Variants in SYT2 observed in about 807,000 individuals in gnomAD.
SYT2 encodes the protein synaptotagmin-2.
A neutral mutation model predicts 39.9 loss-of-function variants in SYT2; 15 were observed. That is an observed-to-expected ratio of 0.38 (90% confidence interval 0.25 to 0.58). SYT2 has a LOEUF of 0.58. Among genes scored for constraint, SYT2 ranks in the 20% least tolerant of loss-of-function variants. SYT2 has a pLI of 0.70. For missense variants in SYT2, 389 were observed against 530.3 expected (o/e 0.73, Z 2.62); for synonymous variants, 181 against 204.5 (o/e 0.89, Z 0.98).
At chr1:202,609,017 A>T (rs1228724971) in intron 1 of SYT2, among the ~76,000 whole-genome samples, 11 of 127,486 alleles carry the variant, frequency 8.6e-5, no homozygotes, top group East Asian at 5.2e-4. Flanking sequence ...CCTAATGCTA[A>T]CCCTCCACCC....
chr1:202,593,287 T>G lies in SYT2; in HGVS notation c.*3470A>C, dbSNP rs887422086. The G allele has an allele frequency of 2.0e-5, 3 of 152,066 alleles. No homozygotes were observed. The highest frequency in any genetic ancestry group is 7.2e-5 in the African/African-American group (3 of 41,380). 9.4% of individuals were successfully genotyped at this position (152,066 alleles called of 1,614,324 possible). A position where few individuals can be genotyped will look rare whatever the true frequency, so the allele number is the denominator to read the frequency against. ...ATTAAGGGAACATGGAAGCTCTCAC[T>G]CCCCAAACCCAGGGAGGTTCCTCAA... On this transcript the variant is annotated 3_prime_UTR_variant, in exon 9 of 9. Coordinates refer to ENST00000367268, the MANE Select transcript of SYT2 (RefSeq NM_177402.5).
chr1:202,645,533 T>C (rs1347807701), intron 1 of SYT2, among the ~76,000 whole-genome samples: 5 of 152,206 alleles, frequency 3.3e-5, no homozygotes, highest in African/African-American at 1.2e-4. Flanking sequence ...TAGTGCTGCT[T>C]AGATGAAAAG....
chr1:202,696,185 G>A (rs142224150), intron 1 of SYT2, among the ~76,000 whole-genome samples: 168 of 152,354 alleles, frequency 1.1e-3, no homozygotes, highest in African/African-American at 4.0e-3. Flanking sequence ...TAGAGGCAGA[G>A]CCAGAAATTC....
intron 3 of SYT2, among the ~76,000 whole-genome samples, chr1:202,603,374 G>A (rs1332109609): frequency 1.3e-5 from 2 of 152,160 alleles, no homozygotes; most frequent in Non-Finnish European, 2.9e-5. Context: ...TCCTGCCTCT[G>A]AGACACACTG....
rs563399287 is a variant in SYT2 at position 202,683,029 on chromosome 1, T to C, written c.-18+27229A>G. On this transcript the variant is annotated intron_variant, in intron 1 of 8. Coordinates refer to ENST00000367268, the MANE Select transcript of SYT2 (RefSeq NM_177402.5). Reference sequence around the variant, plus strand: ...TTATTTTAGTCATCAGGGAAGTGCATGTTGAAATGGAAGAGAGATGCCATG... The same window carrying C: ...TTATTTTAGTCATCAGGGAAGTGCACGTTGAAATGGAAGAGAGATGCCATG... 7.2e-5 allele frequency among the ~76,000 whole-genome samples: 11 copies of C among 152,162 alleles called. 1 individual carries two copies. The South Asian group carries it at 1.9e-3, about 26-fold the overall frequency.
chr1:202,602,618 G>T, intron 4 of SYT2, 73 bp from the exon 5 acceptor site: 1 of 1,465,562 alleles, frequency 6.8e-7, no homozygotes, highest in Non-Finnish European at 9.2e-7. Flanking sequence ...CCCAGACCCA[G>T]CACCCACCAA....
At chr1:202,676,800 T>C (rs1653384331) in intron 1 of SYT2, among the ~76,000 whole-genome samples, 1 of 152,232 alleles carries the variant, frequency 6.6e-6, no homozygotes, top group South Asian at 2.1e-4. Context: ...ATATAGACTA[T>C]AAAATACTGT....
chr1:202,685,098 G>T (rs1347867277), intron 1 of SYT2, among the ~76,000 whole-genome samples: 2 of 152,180 alleles, frequency 1.3e-5, no homozygotes, highest in African/African-American at 2.4e-5. Context: ...AAGTCTGAGA[G>T]TTCAGCCCTG....
At chr1:202,650,173 A>G (rs1692164093) in intron 1 of SYT2, among the ~76,000 whole-genome samples, 1 of 152,176 alleles carries the variant, frequency 6.6e-6, no homozygotes, top group South Asian at 2.1e-4. Flanking sequence ...CCAAATAATC[A>G]ACTCCCCTGT....
At chr1:202,605,177 C>T (rs1033480763) in intron 2 of SYT2, 1 of 169,798 alleles carries the variant, frequency 5.9e-6, no homozygotes, top group Non-Finnish European at 1.3e-5. Context: ...GGCTGCTCCC[C>T]CTTAATCTGC....
At chr1:202,700,590 G>A in intron 1 of SYT2, among the ~76,000 whole-genome samples, 1 of 152,032 alleles carries the variant, frequency 6.6e-6, no homozygotes, top group Non-Finnish European at 1.5e-5. Context: ...TATTTAATAA[G>A]TAACTATATT....
At chr1:202,639,625 G>A (rs2149095819) in intron 1 of SYT2, 2 of 985,480 alleles carry the variant, frequency 2.0e-6, no homozygotes, top group South Asian at 4.7e-5. Context: ...CTTGAATGGA[G>A]GGATGCCATG....
At chr1:202,612,080 G>A (rs534822841) in intron 1 of SYT2, among the ~76,000 whole-genome samples, 27 of 152,280 alleles carry the variant, frequency 1.8e-4, no homozygotes, top group African/African-American at 4.8e-4. Context: ...TGAGTATGGC[G>A]TAAGGAAGGG....
chr1:202,685,125 G>A (rs573933228), intron 1 of SYT2, among the ~76,000 whole-genome samples: 3 of 152,270 alleles, frequency 2.0e-5, no homozygotes, highest in South Asian at 4.1e-4. Flanking sequence ...CAAACCTGTC[G>A]ATGAAGTGGC....
chr1:202,604,301 C>T (rs957217052), intron 3 of SYT2, 154 bp downstream of exon 3: 18 of 712,478 alleles, frequency 2.5e-5, no homozygotes, highest in African/African-American at 1.6e-4. Flanking sequence ...TCCAGGTAGA[C>T]GGTGTTATAC....
intron 1 of SYT2, among the ~76,000 whole-genome samples, chr1:202,617,438 C>G (rs12566757): frequency 6.6e-6 from 1 of 151,802 alleles, no homozygotes; most frequent in Non-Finnish European, 1.5e-5. Context: ...CTCTTCACCT[C>G]CCCCCATGAT....
At chr1:202,653,826 G>A (rs1047070056) in intron 1 of SYT2, among the ~76,000 whole-genome samples, 2 of 152,226 alleles carry the variant, frequency 1.3e-5, no homozygotes, top group Non-Finnish European at 2.9e-5. Flanking sequence ...TGAAGAGGAG[G>A]TCCTGGTCAA....
chr1:202,664,733 C>G (rs1311392853), intron 1 of SYT2, among the ~76,000 whole-genome samples: 1 of 152,222 alleles, frequency 6.6e-6, no homozygotes, highest in Middle Eastern at 3.2e-3. Flanking sequence ...GATCTTGGCT[C>G]ACTGCAACCT....
rs187514995 is a variant in SYT2 at position 202,605,439 on chromosome 1, C to T, written c.178+156G>A. ...CATTAGTGGCAGATCCTACTTCCCC[C>T]TCCCCGATTCCTGCAGGGGCTCTCC... On this transcript the variant is annotated intron_variant, in intron 2 of 8. Coordinates refer to ENST00000367268, the MANE Select transcript of SYT2 (RefSeq NM_177402.5). 2.0e-3 allele frequency: 1,199 copies of T among 589,818 alleles called. 5 individuals are homozygous for T. Among genetic ancestry groups the T allele is most frequent in the Non-Finnish European group, 3.0e-3 (1,020 of 344,386 alleles). The allele number at this position is 589,818 out of a possible 1,614,324, so 36.5% of individuals were successfully genotyped here.
Sources: allele counts gnomAD v4.1 joint callset (sites outside exome capture counted in the v4.1 genomes callset), GRCh38; gene constraint gnomAD v4.1.1; transcripts MANE v1.5; gene names NCBI Gene and HGNC (gene_info 2026-07-23, HGNC 2026-07-21).